Variants in MYO9A observed in about 807,000 individuals in gnomAD.
MYO9A encodes myosin IXA.
Under a neutral mutation model 293.3 loss-of-function variants are expected in MYO9A, and 103 were observed. The ratio of observed to expected loss-of-function variants is 0.35; its 90% confidence interval spans 0.30 to 0.41. The LOEUF is 0.41. Ranked by LOEUF, MYO9A falls within the 10% of genes least tolerant of loss-of-function variation. MYO9A has a pLI of 1.00. For missense variants in MYO9A, 2,685 were observed against 3,033.0 expected (o/e 0.89, Z 2.69); for synonymous variants, 1,001 against 1,035.7 (o/e 0.97, Z 0.64).
intron 39 of MYO9A, among the ~76,000 whole-genome samples, chr15:71,834,518 T>A (rs115687952): frequency 8.6e-5 from 13 of 151,988 alleles, no homozygotes; most frequent in African/African-American, 3.1e-4. Flanking sequence ...ATGCCCACAA[T>A]CCCAGAACTT....
chr15:72,067,632 C>G lies in MYO9A; in HGVS notation c.-71-20998G>C, dbSNP rs147801402. 2.8e-3 allele frequency among the ~76,000 whole-genome samples: 420 copies of G among 152,266 alleles called. 4 individuals are homozygous for G. Among genetic ancestry groups the G allele is most frequent in the African/African-American group, 9.5e-3 (395 of 41,548 alleles). ...ACTATTTAAACAGTTTCAAAATAAA[C>G]TAACCTTTTGCCCTTCTACTGGGAC... On this transcript the variant is annotated intron_variant, in intron 1 of 41. Coordinates refer to ENST00000356056, the MANE Select transcript of MYO9A (RefSeq NM_006901.4).
chr15:72,005,507 A>G (rs766760500), intron 8 of MYO9A, among the ~76,000 whole-genome samples: 23 of 152,186 alleles, frequency 1.5e-4, no homozygotes, highest in Non-Finnish European at 2.8e-4. Flanking sequence ...ATACCTGACT[A>G]AAATGCCATC....
At chr15:72,051,271 G>A (rs1433938133) in intron 1 of MYO9A, among the ~76,000 whole-genome samples, 2 of 152,220 alleles carry the variant, frequency 1.3e-5, no homozygotes, top group African/African-American at 4.8e-5. Context: ...ACCAGCTGCA[G>A]TGGGGGAGGT....
At chr15:71,987,614 G>A (rs1403766574) in intron 11 of MYO9A, among the ~76,000 whole-genome samples, 1 of 152,016 alleles carries the variant, frequency 6.6e-6, no homozygotes, top group African/African-American at 2.4e-5. Flanking sequence ...TCTGATTATA[G>A]CATTTACATC....
At chr15:72,003,056 A>G (rs780721554) in intron 8 of MYO9A, among the ~76,000 whole-genome samples, 1 of 151,902 alleles carries the variant, frequency 6.6e-6, no homozygotes, top group Non-Finnish European at 1.5e-5. Context: ...GATCACCTTA[A>G]GTCAGGAGTT....
chr15:71,904,095 C>T, intron 20 of MYO9A, 56 bp from the exon 21 acceptor site: 1 of 1,348,548 alleles, frequency 7.4e-7, no homozygotes, highest in Non-Finnish European at 1.0e-6. Flanking sequence ...AATTAATTAT[C>T]TGTTTATAAG....
Position 72,030,960 on chromosome 15 carries a change from C to T in MYO9A, c.935+1534G>A, listed in dbSNP as rs574494873. Among the ~76,000 whole-genome samples, 130 of 152,286 alleles carry T rather than the reference C, an allele frequency of 8.5e-4. 1 individual carries two copies. The highest frequency in any genetic ancestry group is 3.0e-3 in the African/African-American group (123 of 41,548). On this transcript the variant is annotated intron_variant, in intron 3 of 41. Transcript: ENST00000356056. ...ACCGGGCTACGCAGCAGGAGGTAAG[C>T]GGCCAGCAACTGAGCAAAGCTGAGC...
At chr15:72,064,167 G>A (rs1566999243) in intron 1 of MYO9A, among the ~76,000 whole-genome samples, 2 of 152,274 alleles carry the variant, frequency 1.3e-5, no homozygotes, top group Admixed American at 6.5e-5. Context: ...AGGCTGGGAA[G>A]AGTAGTAAAG....
At chr15:72,082,537 T>C (rs2079579008) in intron 1 of MYO9A, among the ~76,000 whole-genome samples, 1 of 152,128 alleles carries the variant, frequency 6.6e-6, no homozygotes, top group Non-Finnish European at 1.5e-5. Context: ...CCTTTATTTC[T>C]TTCCCTTGCC....
intron 8 of MYO9A, among the ~76,000 whole-genome samples, chr15:72,004,221 A>G (rs2076952905): frequency 2.6e-5 from 4 of 152,250 alleles, no homozygotes; most frequent in Non-Finnish European, 2.9e-5. Flanking sequence ...CATTCTACAA[A>G]GCTTCTCATA....
At chr15:71,835,025 G>A (rs970609381) in intron 39 of MYO9A, among the ~76,000 whole-genome samples, 5 of 152,026 alleles carry the variant, frequency 3.3e-5, no homozygotes, top group Non-Finnish European at 7.4e-5. Flanking sequence ...TCAGTGTAAT[G>A]TGTCATATCA....
intron 34 of MYO9A, among the ~76,000 whole-genome samples, chr15:71,858,914 C>T (rs2055990082): frequency 6.6e-6 from 1 of 151,768 alleles, no homozygotes; most frequent in African/African-American, 2.4e-5. Flanking sequence ...TGTAGATTCA[C>T]TACTCTGCAT....
At chr15:72,034,957 A>G (rs1449187670) in intron 2 of MYO9A, among the ~76,000 whole-genome samples, 1 of 152,212 alleles carries the variant, frequency 6.6e-6, no homozygotes, top group African/African-American at 2.4e-5. Flanking sequence ...TAGGCTTGCA[A>G]TAGTTACTTC....
chr15:71,903,852 A>C (rs998402139), intron 21 of MYO9A, 77 bp downstream of exon 21: 11 of 1,266,854 alleles, frequency 8.7e-6, no homozygotes, highest in Non-Finnish European at 1.2e-5. Context: ...TAAGCCCCAA[A>C]GAAATAATAA....
intron 4 of MYO9A, among the ~76,000 whole-genome samples, chr15:72,023,178 A>C (rs1284456097): frequency 1.3e-5 from 2 of 152,234 alleles, no homozygotes; most frequent in Non-Finnish European, 2.9e-5. Context: ...GGAGCTCAAC[A>C]GCAAATATGA....
intron 27 of MYO9A, among the ~76,000 whole-genome samples, chr15:71,886,756 C>T (rs1333225860): frequency 6.6e-6 from 1 of 151,854 alleles, no homozygotes; most frequent in Non-Finnish European, 1.5e-5. Context: ...AAAAGTCCTT[C>T]GTAGATTTTG....
intron 1 of MYO9A, among the ~76,000 whole-genome samples, chr15:72,064,473 A>G (rs1174417695): frequency 2.6e-5 from 4 of 152,244 alleles, no homozygotes; most frequent in Non-Finnish European, 5.9e-5. Flanking sequence ...TTAAAGTTTT[A>G]AAAAGCATAG....
At chr15:72,060,645 G>C (rs2957367) in intron 1 of MYO9A, among the ~76,000 whole-genome samples, 145,286 of 152,262 alleles carry the variant, frequency 0.95, 69,689 homozygotes, top group East Asian at 1. Context: ...GCATTTAGAC[G>C]AGCCCTAATC....
In MYO9A at chr15:72,046,726, A is replaced by T. The variant is rs186944684; in HGVS notation, c.-71-92T>A. The T allele has an allele frequency of 5.3e-5, 42 of 794,318 alleles. No homozygotes were observed. In the Admixed American group the frequency reaches 5.9e-4, roughly 11 times the overall value. The allele number at this position is 794,318 out of a possible 1,614,324, so 49.2% of individuals were successfully genotyped here. Reference sequence around the variant, plus strand: ...AAAGCTTAACAAGCATGTTGATTACATCTTCTAAAACACAAAATACTAACT... The same window carrying T: ...AAAGCTTAACAAGCATGTTGATTACTTCTTCTAAAACACAAAATACTAACT... On this transcript the variant is annotated intron_variant, in intron 1 of 41. Transcript: ENST00000356056.
Sources: allele counts gnomAD v4.1 joint callset (sites outside exome capture counted in the v4.1 genomes callset), GRCh38; gene constraint gnomAD v4.1.1; transcripts MANE v1.5; gene names NCBI Gene and HGNC (gene_info 2026-07-23, HGNC 2026-07-21).